The following CDH13 variants were observed in gnomAD, a reference collection of about 807,000 sequenced individuals.
CDH13 encodes cadherin 13, also known as cadherin-13.
Under a neutral mutation model 63.8 loss-of-function variants are expected in CDH13, and 24 were observed. The observed-to-expected ratio is 0.38, with a 90% confidence interval of 0.27 to 0.53. The LOEUF is 0.53. CDH13 is among the 20% of genes least tolerant of loss of function. The pLI is 0.85. For missense variants in CDH13, 1,049 were observed against 903.1 expected, an observed-to-expected ratio of 1.16 and a Z score of -2.07; for synonymous variants, 503 against 355.3, an observed-to-expected ratio of 1.42 and a Z score of -4.67.
At chr16:83,015,578 T>G (rs1914675360) in intron 2 of CDH13, among the ~76,000 whole-genome samples, 1 of 149,990 alleles carries the variant, frequency 6.7e-6, no homozygotes, top group Admixed American at 6.7e-5. Flanking sequence ...GTTTTCAGAT[T>G]ACATCCATTT....
At chr16:82,967,054 T>A (rs1373043927) in intron 2 of CDH13, among the ~76,000 whole-genome samples, 1 of 152,200 alleles carries the variant, frequency 6.6e-6, no homozygotes, top group East Asian at 1.9e-4. Context: ...AAGTTCTTCA[T>A]CTTTGTTCTG....
intron 7 of CDH13, among the ~76,000 whole-genome samples, chr16:83,555,754 A>G (rs575470569): frequency 6.6e-6 from 1 of 152,368 alleles, no homozygotes; most frequent in Non-Finnish European, 1.5e-5. Flanking sequence ...AGCAGAATAT[A>G]GCAGTTTGGC....
intron 5 of CDH13, among the ~76,000 whole-genome samples, chr16:83,238,912 T>A (rs1904290006): frequency 6.6e-6 from 1 of 152,188 alleles, no homozygotes; most frequent in Non-Finnish European, 1.5e-5. Flanking sequence ...CATCCTATTC[T>A]CCTCACCTTT....
chr16:82,759,026 G>A (rs2034730087), intron 1 of CDH13, among the ~76,000 whole-genome samples: 1 of 152,122 alleles, frequency 6.6e-6, no homozygotes, highest in Admixed American at 6.5e-5. Context: ...CTTTCTAAGG[G>A]CTTTCTCAGC....
chr16:83,015,723 A>G (rs917067363), intron 2 of CDH13, among the ~76,000 whole-genome samples: 2 of 125,702 alleles, frequency 1.6e-5, no homozygotes, highest in Admixed American at 8.2e-5. Flanking sequence ...ATATATATAT[A>G]AAGAAAAAGC....
At chr16:82,843,025 T>G (rs1277629103) in intron 1 of CDH13, among the ~76,000 whole-genome samples, 1 of 152,174 alleles carries the variant, frequency 6.6e-6, no homozygotes, top group East Asian at 1.9e-4. Context: ...CACTCACCTC[T>G]TGCTATGTGG....
intron 5 of CDH13, among the ~76,000 whole-genome samples, chr16:83,343,038 C>T (rs1368474943): frequency 2.6e-5 from 4 of 151,686 alleles, no homozygotes; most frequent in Non-Finnish European, 4.4e-5. Flanking sequence ...TCTGTGAGAT[C>T]TCCTTTGTGT....
chr16:83,299,054 A>G lies in CDH13; in HGVS notation c.637-45808A>G, dbSNP rs376629503. 2.2e-3 allele frequency among the ~76,000 whole-genome samples: 330 copies of G among 152,330 alleles called. 1 individual carries two copies. Among genetic ancestry groups the G allele is most frequent in the African/African-American group, 7.5e-3 (310 of 41,582 alleles). On this transcript the variant is annotated intron_variant, in intron 5 of 13. Transcript: ENST00000567109. ...CCACCAAAAGATAAGCAATGTCAGTATATCTCCTTTCAGACATTTTTAGTA... is the reference window on the plus strand; with the variant it reads ...CCACCAAAAGATAAGCAATGTCAGTGTATCTCCTTTCAGACATTTTTAGTA...
rs1371679548 is a variant in CDH13 at position 83,280,849 on chromosome 16, C to T, written c.636+63352C>T. Among the ~76,000 whole-genome samples, 3 of 152,302 alleles carry T rather than the reference C, an allele frequency of 2.0e-5. No individual in the cohort carries two copies. The South Asian group carries it at 6.2e-4, about 32-fold the overall frequency. The stretch of plus-strand genomic sequence containing the variant: ...GCTCTTGGGTCACTAGGTATATTGT[C>T]AATGAGCAGTAACATTTTGAAATGA... On this transcript the variant is annotated intron_variant, in intron 5 of 13. Coordinates refer to ENST00000567109, the MANE Select transcript of CDH13 (RefSeq NM_001257.5).
At chr16:83,635,888 G>T (rs925359989) in intron 8 of CDH13, among the ~76,000 whole-genome samples, 1 of 152,100 alleles carries the variant, frequency 6.6e-6, no homozygotes, top group African/African-American at 2.4e-5. Flanking sequence ...CTAGCCCTAG[G>T]TGTTAAAGAT....
At chr16:82,836,158 C>T (rs1490994359) in intron 1 of CDH13, among the ~76,000 whole-genome samples, 1 of 152,122 alleles carries the variant, frequency 6.6e-6, no homozygotes, top group East Asian at 1.9e-4. Context: ...TGGAGTTTCA[C>T]TCTTGTTGCC....
intron 6 of CDH13, among the ~76,000 whole-genome samples, chr16:83,358,576 A>T (rs12449173): frequency 0.43 from 65,602 of 152,038 alleles, 16,107 homozygotes; most frequent in East Asian, 0.81. Context: ...ATCTAATAAC[A>T]GCTGAAATAT....
intron 2 of CDH13, among the ~76,000 whole-genome samples, chr16:82,968,618 A>G (rs1908222253): frequency 6.6e-6 from 1 of 152,122 alleles, no homozygotes; most frequent in Admixed American, 6.5e-5. Context: ...ATGGATTTAG[A>G]TTCCAAGACC....
chr16:83,232,053 G>A (rs566111799), intron 5 of CDH13, among the ~76,000 whole-genome samples: 4 of 152,214 alleles, frequency 2.6e-5, no homozygotes, highest in African/African-American at 9.6e-5. Flanking sequence ...TTTTCAGAGG[G>A]TAGAGGGTAG....
intron 4 of CDH13, among the ~76,000 whole-genome samples, chr16:83,167,499 C>CAAAAAAA (rs11430454): frequency 2.0e-5 from 2 of 99,552 alleles, no homozygotes; most frequent in African/African-American, 8.0e-5. Context: ...GACCCTTTCC[C>CAAAAAAA]AAAAAAAAAA....
At chr16:83,210,121 G>A (rs1453220123) in intron 4 of CDH13, among the ~76,000 whole-genome samples, 1 of 151,160 alleles carries the variant, frequency 6.6e-6, no homozygotes, top group African/African-American at 2.4e-5. Flanking sequence ...CTAGAGTGCA[G>A]TGGTGTGATC....
At chr16:83,579,638 G>C (rs1905364457) in intron 7 of CDH13, among the ~76,000 whole-genome samples, 1 of 152,014 alleles carries the variant, frequency 6.6e-6, no homozygotes, top group African/African-American at 2.4e-5. Context: ...GATTTGGGCG[G>C]TGACCCAAAT....
intron 3 of CDH13, among the ~76,000 whole-genome samples, chr16:83,032,938 C>T (rs1015443492): frequency 6.6e-6 from 1 of 152,122 alleles, no homozygotes; most frequent in African/African-American, 2.4e-5. Context: ...GCATATTGTG[C>T]TGTATACATA....
intron 2 of CDH13, among the ~76,000 whole-genome samples, chr16:82,986,927 A>G (rs979792860): frequency 6.6e-6 from 1 of 152,198 alleles, no homozygotes; most frequent in African/African-American, 2.4e-5. Context: ...GGGTGAGTTA[A>G]GTCTATGGAA....
Sources: gnomAD v4.1 joint callset for allele counts (sites outside exome capture counted in the v4.1 genomes callset) on GRCh38, gnomAD v4.1.1 for gene constraint, MANE v1.5 for transcripts, NCBI Gene and HGNC (gene_info 2026-07-23, HGNC 2026-07-21) for gene names.